Variants in EFCAB3 observed in about 807,000 individuals in gnomAD.
EFCAB3 encodes the protein EF-hand calcium binding domain 3, also known as EF-hand calcium-binding domain-containing protein 3.
Under a neutral mutation model 42.2 loss-of-function variants are expected in EFCAB3, and 36 were observed. The observed-to-expected ratio is 0.85, with a 90% CI of 0.65 to 1.13. The LOEUF is 1.13. Ranked by LOEUF, EFCAB3 falls within the 50% of genes most tolerant of loss-of-function variation. The pLI is 0.00. For missense variants in EFCAB3, 418 were observed against 505.1 expected (o/e 0.83, Z 1.65); for synonymous variants, 170 against 172.8 (o/e 0.98, Z 0.13).
chr17:62,406,601 G>T lies in EFCAB3; in HGVS notation c.610G>T (p.Ala204Ser), dbSNP rs1463762697. 6.2e-7 allele frequency: 1 copy of T among 1,614,076 alleles called. No individual in the cohort carries two copies. The highest frequency in any genetic ancestry group is 1.1e-5 in the South Asian group (1 of 91,084). ...ICTPPSSSMA[A>S]FANAARIAIM... The stretch of plus-strand genomic sequence containing the variant: ...CACACCTCCAAGCTCAAGCATGGCT[G>T]CCTTTGCTAATGCTGCCCGGATTGC... The change falls in exon 7 of 10, where the codon GCC (alanine) becomes TCC (serine). Residue 204 changes from alanine to serine, a missense_variant. Coordinates refer to ENST00000305286, the MANE Select transcript of EFCAB3 (RefSeq NM_173503.4).
At chr17:62,411,415 A>T (rs1469482362) in intron 8 of EFCAB3, among the ~76,000 whole-genome samples, 1 of 152,224 alleles carries the variant, frequency 6.6e-6, no homozygotes, top group Non-Finnish European at 1.5e-5. Context: ...AGCAGCATAT[A>T]TAAAAGAAAA....
At chr17:62,371,680 C>A (rs1236936679) in intron 1 of EFCAB3, among the ~76,000 whole-genome samples, 2 of 152,148 alleles carry the variant, frequency 1.3e-5, no homozygotes, top group Non-Finnish European at 1.5e-5. Context: ...AAAAATATTA[C>A]AGCGAGTGAA....
At chr17:62,394,005 A>T (rs569709258) in intron 5 of EFCAB3, among the ~76,000 whole-genome samples, 24 of 150,448 alleles carry the variant, frequency 1.6e-4, no homozygotes, top group Middle Eastern at 6.8e-3. Flanking sequence ...CCCAGGCTGG[A>T]GTGCAGTGGC....
chr17:62,394,967 T>A, intron 5 of EFCAB3, 101 bp from the exon 6 acceptor site: 1 of 1,466,316 alleles, frequency 6.8e-7, no homozygotes, highest in Non-Finnish European at 9.2e-7. Flanking sequence ...GTACCTCTAG[T>A]TCCTGACTTG....
chr17:62,371,846 C>T (rs550877404), intron 1 of EFCAB3, among the ~76,000 whole-genome samples: 19 of 152,252 alleles, frequency 1.2e-4, no homozygotes, highest in African/African-American at 4.3e-4. Context: ...TTTATTTCTA[C>T]CACTTTCTTT....
chr17:62,375,367 C>T (rs2070142169), intron 2 of EFCAB3, among the ~76,000 whole-genome samples: 1 of 152,092 alleles, frequency 6.6e-6, no homozygotes, highest in East Asian at 1.9e-4. Context: ...TAGTTTTTAT[C>T]CCCAGCCTTT....
chr17:62,398,025 C>CAA (rs34957895), intron 6 of EFCAB3: 2,755 of 92,096 alleles, frequency 0.03, 31 homozygotes, highest in Middle Eastern at 0.067. Context: ...GACTCCATCT[C>CAA]AAAAAAAAAA....
At chr17:62,402,881 T>C (rs2070415960) in intron 6 of EFCAB3, among the ~76,000 whole-genome samples, 2 of 152,230 alleles carry the variant, frequency 1.3e-5, no homozygotes, top group East Asian at 3.8e-4. Flanking sequence ...CTCCTCTTTG[T>C]ACCTCTGGTA....
intron 3 of EFCAB3, 126 bp downstream of exon 3, chr17:62,387,542 A>G: frequency 1.4e-6 from 1 of 740,048 alleles, no homozygotes; most frequent in Non-Finnish European, 2.0e-6. Flanking sequence ...GAAAGGAAAA[A>G]AAACCTTACA....
At chr17:62,383,257 T>C in intron 2 of EFCAB3, 1 of 453,298 alleles carries the variant, frequency 2.2e-6, no homozygotes. Context: ...GGGCGGATCA[T>C]GAGGTCAAGA....
chr17:62,415,245 A>G (rs1007916811), intron 9 of EFCAB3, among the ~76,000 whole-genome samples: 7 of 152,178 alleles, frequency 4.6e-5, no homozygotes, highest in African/African-American at 1.4e-4. Context: ...GCTGCTAATG[A>G]TCCAACATGA....
chr17:62,414,583 TTGTGTGTGTG>T lies in EFCAB3; in HGVS notation c.990+749_990+758del, dbSNP rs4058759. Among the ~76,000 whole-genome samples, 7 of 148,688 alleles carry T rather than the reference TTGTGTGTGTG, an allele frequency of 4.7e-5. No individual in the cohort carries two copies. In the East Asian group the frequency reaches 6.1e-4, roughly 13 times the overall value. The stretch of plus-strand genomic sequence containing the variant: ...TATCTCAGGTGTTTGTTTGTTTGTT[TTGTGTGTGTG>T]TGTGTGTGTGTGTGTGTGTTTAAAT... On this transcript the variant is annotated intron_variant, in intron 9 of 9. Coordinates refer to ENST00000305286, the MANE Select transcript of EFCAB3 (RefSeq NM_173503.4).
chr17:62,377,385 T>A (rs1484299947), upstream of EFCAB3, among the ~76,000 whole-genome samples: 1 of 152,160 alleles, frequency 6.6e-6, no homozygotes, highest in Non-Finnish European at 1.5e-5. Context: ...ACTTTTTTCC[T>A]GAGTATTAAT....
chr17:62,394,524 C>T (rs2070332839), intron 5 of EFCAB3, among the ~76,000 whole-genome samples: 1 of 152,044 alleles, frequency 6.6e-6, no homozygotes, highest in Non-Finnish European at 1.5e-5. Flanking sequence ...TATTATTTCT[C>T]CCCCAAGGTT....
At chr17:62,377,333 C>A (rs966903993), upstream of EFCAB3, among the ~76,000 whole-genome samples, 2 of 152,048 alleles carry the variant, frequency 1.3e-5, no homozygotes, top group African/African-American at 4.8e-5. Flanking sequence ...TCTGGCCAGG[C>A]CAAACCAAAC....
chr17:62,405,045 T>A (rs1292538670), intron 6 of EFCAB3, among the ~76,000 whole-genome samples: 1 of 152,198 alleles, frequency 6.6e-6, no homozygotes. Context: ...TCTAAGTTAG[T>A]AGGTGTGTAG....
At chr17:62,395,573 G>T (rs2070342061) in intron 6 of EFCAB3, among the ~76,000 whole-genome samples, 1 of 152,104 alleles carries the variant, frequency 6.6e-6, no homozygotes, top group Non-Finnish European at 1.5e-5. Flanking sequence ...GAAACTACCA[G>T]GGGCTCTCAA....
intron 1 of EFCAB3, chr17:62,373,765 A>G: frequency 9.1e-7 from 1 of 1,093,026 alleles, no homozygotes; most frequent in East Asian, 2.6e-5. Flanking sequence ...CACAACTGTT[A>G]TGAATTTTTA....
intron 3 of EFCAB3, among the ~76,000 whole-genome samples, chr17:62,388,333 G>C (rs560303377): frequency 6.0e-4 from 91 of 152,336 alleles, no homozygotes; most frequent in African/African-American, 1.9e-3. Context: ...TTGGTCTTGT[G>C]AGGGAAGAAA....
Sources: allele counts gnomAD v4.1 joint callset (sites outside exome capture counted in the v4.1 genomes callset), GRCh38; gene constraint gnomAD v4.1.1; transcripts MANE v1.5; gene names NCBI Gene and HGNC (gene_info 2026-07-23, HGNC 2026-07-21).